The following GRID2 variants were observed in gnomAD, a reference collection of about 807,000 sequenced individuals.
GRID2 encodes glutamate receptor ionotropic, delta-2.
GRID2 carries 33 observed loss-of-function variants against 114.8 expected under a neutral mutation model. That is an observed-to-expected ratio of 0.29 (90% CI 0.22 to 0.38). The LOEUF (loss-of-function observed/expected upper bound fraction) is 0.38. GRID2 is among the 10% of genes least tolerant of loss of function. GRID2 has a pLI of 1.00. For missense variants in GRID2, 1,184 were observed against 1,257.7 expected (o/e 0.94, Z 0.89); for synonymous variants, 505 against 449.9 (o/e 1.12, Z -1.55).
At chr4:92,468,023 A>G (rs1408154684) in intron 1 of GRID2, among the ~76,000 whole-genome samples, 2 of 151,304 alleles carry the variant, frequency 1.3e-5, no homozygotes, top group Non-Finnish European at 3.0e-5. Context: ...TACTATGTGT[A>G]TATGAAAGAG....
At chr4:92,531,273 A>G (rs912949287) in intron 1 of GRID2, among the ~76,000 whole-genome samples, 2 of 152,126 alleles carry the variant, frequency 1.3e-5, no homozygotes, top group African/African-American at 4.8e-5. Flanking sequence ...AAATAGTTTA[A>G]TTTTAAGCAG....
chr4:93,551,951 G>A (rs1035724231), intron 13 of GRID2, among the ~76,000 whole-genome samples: 2 of 151,826 alleles, frequency 1.3e-5, no homozygotes, highest in East Asian at 1.9e-4. Context: ...ACATATGTAT[G>A]CATGTGCCAT....
chr4:93,223,056 T>TC (rs1745074767), intron 6 of GRID2, among the ~76,000 whole-genome samples: 1 of 152,132 alleles, frequency 6.6e-6, no homozygotes, highest in African/African-American at 2.4e-5. Flanking sequence ...AGGTTGTGTA[T>TC]TATTTTGATT....
chr4:92,749,039 G>T (rs1737301194), intron 2 of GRID2, among the ~76,000 whole-genome samples: 1 of 151,650 alleles, frequency 6.6e-6, no homozygotes, highest in South Asian at 2.1e-4. Context: ...CTGTCACCAG[G>T]CTGGAGTGCA....
chr4:92,970,705 G>A (rs182541694), intron 2 of GRID2, among the ~76,000 whole-genome samples: 5 of 151,918 alleles, frequency 3.3e-5, no homozygotes, highest in Admixed American at 1.3e-4. Flanking sequence ...TTCCATTAGT[G>A]CACTGATATA....
chr4:93,796,234 G>T lies in GRID2; in HGVS notation c.222-10481G>T, dbSNP rs144853994. 4.2e-3 allele frequency among the ~76,000 whole-genome samples: 640 copies of T among 152,236 alleles called. 5 individuals are homozygous for T. The highest frequency in any genetic ancestry group is 0.014 in the African/African-American group (581 of 41,542). On this transcript the variant is annotated intron_variant, in intron 1 of 1. Transcript: ENST00000637838. ...TCATCTAGCTTCTGATTAACTCAAA[G>T]TTGACTGATTAGTGACCTAATCAAA...
intron 1 of GRID2, among the ~76,000 whole-genome samples, chr4:92,521,400 T>C (rs1724770701): frequency 6.6e-6 from 1 of 151,960 alleles, no homozygotes; most frequent in Non-Finnish European, 1.5e-5. Flanking sequence ...TACATTTTAA[T>C]AGTATCGACA....
chr4:92,630,702 A>C (rs1730763456), intron 2 of GRID2, among the ~76,000 whole-genome samples: 1 of 151,910 alleles, frequency 6.6e-6, no homozygotes, highest in South Asian at 2.1e-4. Flanking sequence ...TAACATTAAT[A>C]GTTTGTCAGT....
intron 2 of GRID2, among the ~76,000 whole-genome samples, chr4:92,901,131 A>C (rs150224478): frequency 1.3e-5 from 2 of 152,294 alleles, no homozygotes; most frequent in South Asian, 2.1e-4. Flanking sequence ...TTCTATCTCT[A>C]GTTATTTGAT....
intron 2 of GRID2, among the ~76,000 whole-genome samples, chr4:92,802,166 C>G (rs1740203924): frequency 6.6e-6 from 1 of 151,816 alleles, no homozygotes; most frequent in African/African-American, 2.4e-5. Flanking sequence ...CTCATAGCAA[C>G]ATTGACTAGA....
intron 14 of GRID2, among the ~76,000 whole-genome samples, chr4:93,727,651 C>A (rs1407379076): frequency 2.0e-5 from 3 of 152,138 alleles, no homozygotes; most frequent in South Asian, 2.1e-4. Context: ...TTGATTATTG[C>A]CTCGATTTCA....
At chr4:92,810,838 C>T (rs1311814196) in intron 2 of GRID2, among the ~76,000 whole-genome samples, 2 of 152,134 alleles carry the variant, frequency 1.3e-5, no homozygotes, top group African/African-American at 4.8e-5. Context: ...ATTGCCCAGA[C>T]TGGAGTGTGG....
At chr4:92,578,729 TATCA>T (rs1160455997) in intron 1 of GRID2, among the ~76,000 whole-genome samples, 3 of 147,582 alleles carry the variant, frequency 2.0e-5, no homozygotes, top group Non-Finnish European at 3.0e-5. Flanking sequence ...TCTATCTATC[TATCA>T]ATCTATCTAT....
intron 13 of GRID2, among the ~76,000 whole-genome samples, chr4:93,584,369 G>A (rs1737326519): frequency 6.6e-6 from 1 of 152,072 alleles, no homozygotes; most frequent in Non-Finnish European, 1.5e-5. Context: ...ATTTGAGGAT[G>A]TTGACAGAAT....
In GRID2 at chr4:93,087,164, A is replaced by G. The variant is rs912002398; in HGVS notation, c.529+1885A>G. 6.0e-5 allele frequency among the ~76,000 whole-genome samples: 9 copies of G among 151,204 alleles called. No homozygotes were observed. In the South Asian group the frequency reaches 8.3e-4, roughly 14 times the overall value. ...AGTCTTCTGCCTCAGCCTCCCAAGT[A>G]GCTGGGACTACAGGCACGTGCCAAC... On this transcript the variant is annotated intron_variant, in intron 3 of 15. Transcript: ENST00000282020.
intron 12 of GRID2, among the ~76,000 whole-genome samples, chr4:93,504,576 A>G (rs1728443742): frequency 6.6e-6 from 1 of 152,210 alleles, no homozygotes; most frequent in East Asian, 1.9e-4. Flanking sequence ...ATATGTGATA[A>G]TCACTCAGAG....
At chr4:92,708,388 C>A (rs1040389074) in intron 2 of GRID2, among the ~76,000 whole-genome samples, 1 of 152,072 alleles carries the variant, frequency 6.6e-6, no homozygotes, top group African/African-American at 2.4e-5. Context: ...CAATTTCTGT[C>A]GTTATTTCCT....
chr4:93,108,214 C>G (rs1732433354), intron 3 of GRID2, among the ~76,000 whole-genome samples: 1 of 152,232 alleles, frequency 6.6e-6, no homozygotes, highest in Non-Finnish European at 1.5e-5. Flanking sequence ...CTATTATCAT[C>G]TACCAATGCA....
At chr4:93,117,350 G>A (rs557502167) in intron 4 of GRID2, among the ~76,000 whole-genome samples, 1 of 151,680 alleles carries the variant, frequency 6.6e-6, no homozygotes, top group East Asian at 1.9e-4. Flanking sequence ...TTTTTCAAGG[G>A]ATAAATATCA....
Sources: gnomAD v4.1 joint callset for allele counts (sites outside exome capture counted in the v4.1 genomes callset) on GRCh38, gnomAD v4.1.1 for gene constraint, MANE v1.5 for transcripts, NCBI Gene and HGNC (gene_info 2026-07-23, HGNC 2026-07-21) for gene names.